DEPTOR: variants seen among roughly 807,000 people sequenced by gnomAD.
DEPTOR encodes the protein DEP domain containing MTOR interacting protein, also known as DEP domain-containing mTOR-interacting protein.
In DEPTOR, 41 loss-of-function variants were observed where a neutral mutation model predicts 41.6. The ratio of observed to expected loss-of-function variants is 0.98; its 90% CI spans 0.77 to 1.28. The LOEUF (loss-of-function observed/expected upper bound fraction) is 1.28, where lower values mean the gene tolerates loss of function less well. Among genes scored for constraint, DEPTOR ranks in the 50% most tolerant of loss-of-function variants. The pLI is 0.00. For missense variants in DEPTOR, 514 were observed against 527.9 expected (o/e 0.97, Z 0.26); for synonymous variants, 195 against 192.3 (o/e 1.01, Z -0.12).
intron 1 of DEPTOR, among the ~76,000 whole-genome samples, chr8:119,912,442 C>T (rs1184808260): frequency 2.6e-5 from 4 of 152,204 alleles, no homozygotes; most frequent in Non-Finnish European, 4.4e-5. Context: ...AGTTGGGAAT[C>T]AATAAATGTG....
intron 1 of DEPTOR, among the ~76,000 whole-genome samples, chr8:119,902,124 T>C (rs1827601495): frequency 6.6e-6 from 1 of 152,186 alleles, no homozygotes; most frequent in Admixed American, 6.5e-5. Context: ...GTGATTATGT[T>C]GATTCCCAAT....
At chr8:120,022,683 TTTTA>T (rs201745459) in intron 8 of DEPTOR, among the ~76,000 whole-genome samples, 1,689 of 142,010 alleles carry the variant, frequency 0.012, 16 homozygotes, top group Admixed American at 0.021. Context: ...CTTTTTGTTT[TTTTA>T]TTTATTTAAT....
chr8:119,886,919 G>T lies in DEPTOR; in HGVS notation c.122+12951G>T, dbSNP rs368728813. Among the ~76,000 whole-genome samples the T allele has an allele frequency of 9.9e-5, 15 of 151,974 alleles. No homozygotes were observed. In the East Asian group the frequency reaches 2.9e-3, roughly 29 times the overall value. On this transcript the variant is annotated intron_variant, in intron 1 of 8. Transcript: ENST00000286234. ...TTTACTCAGTGCCTGCTATTTGTCG[G>T]GCATCTCAGTACTAGCTGTGAGAGA...
intron 1 of DEPTOR, among the ~76,000 whole-genome samples, chr8:119,891,639 C>A (rs916582480): frequency 6.6e-6 from 1 of 152,110 alleles, no homozygotes; most frequent in African/African-American, 2.4e-5. Flanking sequence ...TATGCCTGTC[C>A]CCCCCAGCAA....
chr8:119,914,602 G>C (rs778800444), intron 1 of DEPTOR, among the ~76,000 whole-genome samples: 21 of 151,000 alleles, frequency 1.4e-4, no homozygotes, highest in Non-Finnish European at 2.8e-4. Context: ...ACCACGCCAG[G>C]CTAATTTTTG....
At chr8:119,943,854 T>C (rs974586017) in intron 3 of DEPTOR, among the ~76,000 whole-genome samples, 10 of 152,180 alleles carry the variant, frequency 6.6e-5, no homozygotes, top group Admixed American at 6.5e-4. Flanking sequence ...TTATTATTTT[T>C]TGAGACGGAG....
At chr8:119,971,480 G>A (rs1240585227) in intron 4 of DEPTOR, among the ~76,000 whole-genome samples, 1 of 152,150 alleles carries the variant, frequency 6.6e-6, no homozygotes, top group Non-Finnish European at 1.5e-5. Context: ...TAAGTCCATT[G>A]GGTCAGCAGA....
In DEPTOR at chr8:119,911,171, T is replaced by G. The variant is rs552612778; in HGVS notation, c.123-17229T>G. 7.9e-5 allele frequency among the ~76,000 whole-genome samples: 12 copies of G among 152,296 alleles called. No homozygotes were observed. The Middle Eastern group carries it at 0.014, about 173-fold the overall frequency. ...TATCAATTTCCCTGCTAGCTAATGC[T>G]CTGACTTCTTTGCTCAGCTATCCAT... is the stretch of plus-strand genomic sequence containing the variant. On this transcript the variant is annotated intron_variant, in intron 1 of 8. Coordinates refer to ENST00000286234, the MANE Select transcript of DEPTOR (RefSeq NM_022783.4).
intron 4 of DEPTOR, among the ~76,000 whole-genome samples, chr8:119,972,903 A>AT (rs1217169923): frequency 6.6e-6 from 1 of 152,016 alleles, no homozygotes; most frequent in Non-Finnish European, 1.5e-5. Flanking sequence ...GGACCTTGAG[A>AT]TTTTTGGGTA....
chr8:119,957,602 T>C (rs1484918482), intron 3 of DEPTOR, among the ~76,000 whole-genome samples: 1 of 151,496 alleles, frequency 6.6e-6, no homozygotes, highest in African/African-American at 2.4e-5. Flanking sequence ...TTCTTTTTTT[T>C]TTTTCAGACA....
In DEPTOR at chr8:119,906,952, G is replaced by A. The variant is rs569686551; in HGVS notation, c.123-21448G>A. 4.8e-4 allele frequency among the ~76,000 whole-genome samples: 73 copies of A among 152,268 alleles called. 1 individual carries two copies. In the South Asian group the frequency reaches 0.015, roughly 31 times the overall value. On this transcript the variant is annotated intron_variant, in intron 1 of 8. Coordinates refer to ENST00000286234, the MANE Select transcript of DEPTOR (RefSeq NM_022783.4). Reference sequence around the variant, plus strand: ...GTGAGTGATTAATAAAAGGGATATTGTGACTCTCTTGGCAGGGATGAAAGG... The same window carrying A: ...GTGAGTGATTAATAAAAGGGATATTATGACTCTCTTGGCAGGGATGAAAGG...
intron 4 of DEPTOR, 32 bp from the exon 5 acceptor site, chr8:120,001,493 T>C (rs774752383): frequency 1.3e-6 from 2 of 1,570,982 alleles, no homozygotes; most frequent in Non-Finnish European, 1.7e-6. Flanking sequence ...TGCCAGATAG[T>C]CCTCATTGGT....
intron 1 of DEPTOR, among the ~76,000 whole-genome samples, chr8:119,899,855 G>A (rs1221223481): frequency 6.6e-6 from 1 of 152,108 alleles, no homozygotes; most frequent in Non-Finnish European, 1.5e-5. Flanking sequence ...GTTTTTCTGA[G>A]CTTGGTTTTT....
intron 1 of DEPTOR, among the ~76,000 whole-genome samples, chr8:119,875,353 G>A (rs1458389959): frequency 6.6e-6 from 1 of 152,134 alleles, no homozygotes; most frequent in Non-Finnish European, 1.5e-5. Context: ...GTGTAAGTTT[G>A]TGAGGTGCAG....
At chr8:120,007,885 T>A (rs1290825901) in intron 7 of DEPTOR, among the ~76,000 whole-genome samples, 1 of 152,174 alleles carries the variant, frequency 6.6e-6, no homozygotes, top group Admixed American at 6.5e-5. Context: ...CCACAAAAAT[T>A]TTCATTTGCC....
chr8:119,986,900 G>A (rs924068752), intron 4 of DEPTOR, among the ~76,000 whole-genome samples: 1 of 151,470 alleles, frequency 6.6e-6, no homozygotes, highest in African/African-American at 2.4e-5. Flanking sequence ...TATTCTTCTC[G>A]AAACTGGTTA....
At chr8:119,908,299 C>A (rs931418869) in intron 1 of DEPTOR, among the ~76,000 whole-genome samples, 5 of 152,190 alleles carry the variant, frequency 3.3e-5, no homozygotes, top group South Asian at 4.2e-4. Context: ...GGATAAAAAA[C>A]CAGTAAATGG....
At chr8:119,929,304 A>C (rs1023949802) in intron 2 of DEPTOR, among the ~76,000 whole-genome samples, 1 of 152,108 alleles carries the variant, frequency 6.6e-6, no homozygotes, top group African/African-American at 2.4e-5. Flanking sequence ...GTCTCCACTT[A>C]CATGAAAACT....
chr8:120,002,572 G>A (rs1027298619), intron 5 of DEPTOR, among the ~76,000 whole-genome samples: 1 of 151,360 alleles, frequency 6.6e-6, no homozygotes, highest in Non-Finnish European at 1.5e-5. Flanking sequence ...AAAGTGACTG[G>A]TTATCCACCC....
Sources: allele counts gnomAD v4.1 joint callset (sites outside exome capture counted in the v4.1 genomes callset), GRCh38; gene constraint gnomAD v4.1.1; transcripts MANE v1.5; gene names NCBI Gene and HGNC (gene_info 2026-07-23, HGNC 2026-07-21).